MTOR: variants seen among roughly 807,000 people sequenced by gnomAD.
The protein encoded by MTOR is serine/threonine-protein kinase mTOR.
In MTOR, 70 loss-of-function variants were observed where a neutral mutation model predicts 319.8. The ratio of observed to expected loss-of-function variants is 0.22; its 90% CI spans 0.18 to 0.27. The LOEUF (loss-of-function observed/expected upper bound fraction) is 0.27. Among genes scored for constraint, MTOR ranks in the 10% least tolerant of loss-of-function variants. The pLI is 1.00. For synonymous variants in MTOR, 1,183 were observed against 1,211.4 expected, an observed-to-expected ratio of 0.98 and a Z score of 0.49; for missense variants, 1,890 against 3,274.4, an observed-to-expected ratio of 0.58 and a Z score of 10.32.
intron 28 of MTOR, among the ~76,000 whole-genome samples, chr1:11,187,703 T>C (rs1645367428): frequency 6.6e-6 from 1 of 152,190 alleles, no homozygotes; most frequent in Non-Finnish European, 1.5e-5. Flanking sequence ...AAATCCCTAT[T>C]TTTAGCAGAC....
chr1:11,169,311 G>A (rs950299891), intron 28 of MTOR, among the ~76,000 whole-genome samples: 1 of 152,188 alleles, frequency 6.6e-6, no homozygotes, highest in Non-Finnish European at 1.5e-5. Flanking sequence ...CCCTAAGAGT[G>A]GGAAGGGAGA....
rs528134506 is a variant in MTOR at position 11,231,881 on chromosome 1, T to G, written c.2515-447A>C. On this transcript the variant is annotated intron_variant, in intron 16 of 57. Coordinates refer to ENST00000361445, the MANE Select transcript of MTOR (RefSeq NM_004958.4). The stretch of plus-strand genomic sequence containing the variant: ...CTGGGACTACAGGCACATGCCACCA[T>G]GCCCAGCTATTTTTTTTTTTTAGTA... 3.9e-5 allele frequency among the ~76,000 whole-genome samples: 6 copies of G among 152,158 alleles called. 1 individual carries two copies. In the South Asian group the frequency reaches 1.2e-3, roughly 32 times the overall value.
chr1:11,193,551 C>T (rs931903043), intron 28 of MTOR: 1 of 1,549,784 alleles, frequency 6.5e-7, no homozygotes, highest in Non-Finnish European at 8.7e-7. Flanking sequence ...CCCTGCAAGT[C>T]CCTCACCAGA....
At chr1:11,193,259 G>A (rs1205500619) in intron 28 of MTOR, among the ~76,000 whole-genome samples, 1 of 151,852 alleles carries the variant, frequency 6.6e-6, no homozygotes, top group Non-Finnish European at 1.5e-5. Context: ...GCAGTGAGCC[G>A]AGATTGCACC....
chr1:11,161,810 C>G (rs1384803176), intron 29 of MTOR, among the ~76,000 whole-genome samples: 1 of 152,160 alleles, frequency 6.6e-6, no homozygotes, highest in Non-Finnish European at 1.5e-5. Context: ...AGACCAAAGG[C>G]AGATAAAACC....
At chr1:11,150,299 T>A in intron 30 of MTOR, 73 bp from the exon 31 acceptor site, 2 of 1,332,934 alleles carry the variant, frequency 1.5e-6, no homozygotes, top group Non-Finnish European at 2.1e-6. Flanking sequence ...TCCTGCCCCT[T>A]GGGTTAGGTG....
intron 23 of MTOR, among the ~76,000 whole-genome samples, chr1:11,211,461 G>A (rs937737140): frequency 1.3e-5 from 2 of 152,178 alleles, no homozygotes; most frequent in African/African-American, 4.8e-5. Context: ...TGGAACTCCT[G>A]GGCTCAAGCG....
chr1:11,115,532 A>C lies in MTOR; in HGVS notation c.7017-64T>G. 6.8e-7 allele frequency: 1 copy of C among 1,478,806 alleles called. No individual in the cohort carries two copies. Among genetic ancestry groups the C allele is most frequent in the African/African-American group, 1.4e-5 (1 of 72,298 alleles). The allele number at this position is 1,478,806 out of a possible 1,614,324, so 91.6% of individuals were successfully genotyped here. ...GAGATAACGGATGAAAAAATCAATA[A>C]GTACGTGATACTGTAAGCTAGGAGT... is the stretch of plus-strand genomic sequence containing the variant. On this transcript the variant is annotated intron_variant, in intron 50 of 57. Transcript: ENST00000361445. This position sits in a 1 kb window ranked among gnomAD's most constrained non-coding sequence, Gnocchi z 4.5.
chr1:11,188,568 G>A (rs772777635), intron 28 of MTOR, among the ~76,000 whole-genome samples: 1 of 152,194 alleles, frequency 6.6e-6, no homozygotes, highest in Non-Finnish European at 1.5e-5. Context: ...ACAGAAGCAT[G>A]GGTGACCAAT....
chr1:11,215,690 A>G (rs760242329), intron 20 of MTOR, among the ~76,000 whole-genome samples: 14 of 152,136 alleles, frequency 9.2e-5, no homozygotes, highest in East Asian at 1.9e-4. Context: ...TCAAAAGGTG[A>G]TATGTATGGT....
intron 21 of MTOR, among the ~76,000 whole-genome samples, chr1:11,213,133 G>A (rs1026862897): frequency 1.3e-5 from 2 of 152,170 alleles, no homozygotes; most frequent in Admixed American, 1.3e-4. Flanking sequence ...TAAGGAATCC[G>A]TTGCTGGAAA....
intron 6 of MTOR, 76 bp downstream of exon 6, chr1:11,253,763 G>A (rs1371329265): frequency 6.7e-7 from 1 of 1,501,442 alleles, no homozygotes; most frequent in Non-Finnish European, 9.2e-7. Flanking sequence ...GCTCCATGAG[G>A]ACATGGATCT....
At chr1:11,138,184 T>C (rs945734722) in intron 36 of MTOR, among the ~76,000 whole-genome samples, 4 of 152,178 alleles carry the variant, frequency 2.6e-5, no homozygotes, top group Admixed American at 2.6e-4. Context: ...AGGCTATACA[T>C]AGGAGGGAAA....
At chr1:11,204,528 C>T (rs2100764551) in intron 26 of MTOR, 33 bp downstream of exon 26, 1 of 1,592,266 alleles carries the variant, frequency 6.3e-7, no homozygotes, top group Non-Finnish European at 8.6e-7. Flanking sequence ...TTTCTATGTG[C>T]TGATCTTCTC....
intron 1 of MTOR, among the ~76,000 whole-genome samples, chr1:11,259,944 C>G (rs1432600357): frequency 6.6e-6 from 1 of 152,142 alleles, no homozygotes. Context: ...TTATATACCT[C>G]AAGAAAGACA....
intron 29 of MTOR, among the ~76,000 whole-genome samples, chr1:11,159,862 T>G (rs1367632773): frequency 1.3e-5 from 2 of 152,144 alleles, no homozygotes; most frequent in East Asian, 3.9e-4. Context: ...ATCAAATATA[T>G]GGACCTAGAG....
chr1:11,142,050 A>G (rs1349187130), intron 34 of MTOR, among the ~76,000 whole-genome samples: 1 of 151,986 alleles, frequency 6.6e-6, no homozygotes, highest in Non-Finnish European at 1.5e-5. Context: ...AAAAAAGTGA[A>G]TTAATTATCA....
At chr1:11,118,799 T>C (rs908082246) in intron 49 of MTOR, among the ~76,000 whole-genome samples, 5 of 152,000 alleles carry the variant, frequency 3.3e-5, no homozygotes, top group Admixed American at 6.6e-5. Context: ...GCTAATTTTT[T>C]ATTTTTTGTA....
chr1:11,253,862 G>A lies in MTOR; in HGVS notation c.817C>T (p.Arg273Ter), dbSNP rs2100966495. ...ACCTCTCCCTCCATGCTGCTGATTC[G>A]GACCAGCTCGTTAAGGATCAACAAG... is the stretch of plus-strand genomic sequence containing the variant. ...GALLILNELV[R>*]ISSMEGERLR... The change falls in exon 6 of 58, where the codon CGA (arginine) becomes TGA (stop). Residue 273 changes from arginine (R) to a stop codon, truncating the protein, a stop_gained. Coordinates refer to ENST00000361445, the MANE Select transcript of MTOR (RefSeq NM_004958.4). LOFTEE classifies it high-confidence loss of function. The A allele has an allele frequency of 6.2e-7, 1 of 1,614,010 alleles. No individual in the cohort carries two copies. The highest frequency in any genetic ancestry group is 8.5e-7 in the Non-Finnish European group (1 of 1,180,010).
Sources: allele counts gnomAD v4.1 joint callset (sites outside exome capture counted in the v4.1 genomes callset), GRCh38; gene constraint gnomAD v4.1.1; non-coding constraint Gnocchi (gnomAD v3.1); transcripts MANE v1.5; gene names NCBI Gene and HGNC (gene_info 2026-07-23, HGNC 2026-07-21).